MEGF6: variants seen among roughly 807,000 people sequenced by gnomAD.
The protein encoded by MEGF6 is multiple epidermal growth factor-like domains protein 6.
A neutral mutation model predicts 207.1 loss-of-function variants in MEGF6; 184 were observed. The ratio of observed to expected loss-of-function variants is 0.89; its 90% CI spans 0.79 to 1.00. The LOEUF (loss-of-function observed/expected upper bound fraction) is 1.00, where lower values mean the gene tolerates loss of function less well. MEGF6 is among the 50% of genes least tolerant of loss of function. The pLI, the probability that MEGF6 is intolerant of heterozygous loss-of-function variation, is 0.00. For synonymous variants in MEGF6, 1,038 were observed against 910.0 expected (o/e 1.14, Z -2.53); for missense variants, 2,282 against 2,202.9 (o/e 1.04, Z -0.72).
rs1428525309 is a variant in MEGF6, at chr1:3,510,825, A to G, written c.1192T>C (p.Tyr398His). The G allele has an allele frequency of 6.2e-7, 1 of 1,610,390 alleles. No homozygotes were observed. Among genetic ancestry groups the G allele is most frequent in the Admixed American group, 1.7e-5 (1 of 59,940 alleles). ...NNPGGYECGCYAGYRLSADGC... is the reference protein window; with the variant it reads ...NNPGGYECGCHAGYRLSADGC... The stretch of plus-strand genomic sequence containing the variant: ...TCGGCACTGAGCCGGTAGCCGGCGT[A>G]GCAGCCGCACTCGTACCCGCCAGGG... The change falls in exon 10 of 37, where the codon TAC becomes CAC. Residue 398 changes from tyrosine to histidine, a missense_variant. Tyr to His is a moderately conservative substitution (Grantham distance 83). Transcript: ENST00000356575.
intron 14 of MEGF6, among the ~76,000 whole-genome samples, 154 bp from the exon 15 acceptor site, chr1:3,506,390 G>A (rs976261902): frequency 2.6e-5 from 4 of 152,172 alleles, no homozygotes; most frequent in African/African-American, 4.8e-5. Flanking sequence ...GGATGTGGCC[G>A]TCTGCCCTGG....
In MEGF6 at chr1:3,514,647, G is replaced by A. The variant is rs367822031; in HGVS notation, c.756C>T (p.Asn252=). 2.1e-5 allele frequency: 33 copies of A among 1,582,420 alleles called. No individual in the cohort carries two copies. The highest frequency in any genetic ancestry group is 5.4e-5 in the African/African-American group (4 of 74,498). Residue 252 remains asparagine, a synonymous_variant, in exon 7 of 37, where the codon AAC becomes AAT. Coordinates refer to ENST00000356575, the MANE Select transcript of MEGF6 (RefSeq NM_001409.4). ...CVRRSPCANR[N]GSCMHRCQVV... ...CCTGGCACCTGTGCATGCAGCTGCC[G>A]TTCCTGTTGGCACACGGGCTTCTAC...
chr1:3,539,032 G>T (rs1477641175), intron 4 of MEGF6, among the ~76,000 whole-genome samples: 1 of 152,202 alleles, frequency 6.6e-6, no homozygotes, highest in East Asian at 1.9e-4. Context: ...CTTTGGACAT[G>T]ACATTTTCAG....
At chr1:3,584,628 A>G (rs1012285450) in intron 3 of MEGF6, among the ~76,000 whole-genome samples, 21 of 152,324 alleles carry the variant, frequency 1.4e-4, no homozygotes, top group African/African-American at 4.8e-4. Flanking sequence ...CCCCCACACC[A>G]GAGTCCCAGG....
At position 3,499,590 on chromosome 1, in the gene MEGF6, T is replaced by C; in HGVS notation, c.2963A>G (p.Glu988Gly). The C allele has an allele frequency of 6.3e-7, 1 of 1,577,820 alleles. No individual in the cohort carries two copies. Among genetic ancestry groups the C allele is most frequent in the Non-Finnish European group, 8.6e-7 (1 of 1,163,526 alleles). Residue 988 changes from glutamate to glycine, a missense_variant and splice_region_variant, in exon 23 of 37, where the codon GAG becomes GGG. By Grantham distance (98) the Glu-to-Gly change is moderately conservative (BLOSUM62 -2). Coordinates refer to ENST00000356575, the MANE Select transcript of MEGF6 (RefSeq NM_001409.4). ...GGCTGAGCAGGGACCTCACGCACTC[T>C]CGGCACAGCGGGGGCCCCGGCGGCC... Reference protein sequence around the residue: ...PAGRRGPRCAETCPAHTYGHN... With the variant: ...PAGRRGPRCAGTCPAHTYGHN...
At chr1:3,622,456 T>G in the MEGF6 span, among the ~76,000 whole-genome samples, 1 of 152,182 alleles carries the variant, frequency 6.6e-6, no homozygotes, top group Non-Finnish European at 1.5e-5. Context: ...ATTACCCAGC[T>G]TCAGGTAAGT....
intron 26 of MEGF6, 30 bp downstream of exon 26, chr1:3,498,341 C>T: frequency 5.7e-6 from 9 of 1,583,922 alleles, no homozygotes; most frequent in Non-Finnish European, 7.7e-6. Context: ...GCAGGGCCTG[C>T]AGACCCCCCT....
chr1:3,509,146 T>C lies in MEGF6; in HGVS notation c.1457A>G (p.Gln486Arg). ...CTCATCGGCCCCGACGTCGTCATCC[T>C]GGAAGAGTTGCGGCAGCTCGTCCTG... ...VLQDELPQLF[Q>R]DDDVGADEEE... Residue 486 changes from glutamine to arginine, a missense_variant, in exon 12 of 37, where the codon CAG becomes CGG. Transcript: ENST00000356575. 6.3e-7 allele frequency: 1 copy of C among 1,592,948 alleles called. No homozygotes were observed. Among genetic ancestry groups the C allele is most frequent in the East Asian group, 2.3e-5 (1 of 43,590 alleles).
In MEGF6 at chr1:3,494,538, C is replaced by A. The variant is rs540976770; in HGVS notation, c.4001-39G>T. 15 of 1,570,534 alleles carry A rather than the reference C, an allele frequency of 9.6e-6. No homozygotes were observed. The East Asian group carries it at 3.5e-4, about 37-fold the overall frequency. ...AGGGTGGGCAGTCCTTCGGCACCAG[C>A]CTTGCCCAGCCCTATGGCAGCCCAG... On this transcript the variant is annotated intron_variant, in intron 31 of 36. Coordinates refer to ENST00000356575, the MANE Select transcript of MEGF6 (RefSeq NM_001409.4).
In MEGF6 at chr1:3,500,768, C is replaced by T; in HGVS notation, c.2576-4G>A. ...CCCCAGTGCCCAGTATCACAGGCTGCAACAGAACTCAGGGTCACCCGGCGC... is the reference window on the plus strand; with the variant it reads ...CCCCAGTGCCCAGTATCACAGGCTGTAACAGAACTCAGGGTCACCCGGCGC... On this transcript the variant is annotated splice_region_variant and splice_polypyrimidine_tract_variant and intron_variant, in intron 20 of 36. Transcript: ENST00000356575. The T allele has an allele frequency of 1.2e-6, 2 of 1,605,194 alleles. No homozygotes were observed. Among genetic ancestry groups the T allele is most frequent in the Non-Finnish European group, 8.5e-7 (1 of 1,176,240 alleles).
At chr1:3,602,665 G>A (rs1289536596) in intron 1 of MEGF6, 65 bp from the exon 2 acceptor site, 10 of 1,543,994 alleles carry the variant, frequency 6.5e-6, no homozygotes, top group Non-Finnish European at 8.7e-6. Context: ...CACCCCTCCT[G>A]CACCCCCAGC....
the MEGF6 span, among the ~76,000 whole-genome samples, chr1:3,620,435 G>A: frequency 7.9e-5 from 12 of 152,364 alleles, no homozygotes; most frequent in South Asian, 1.2e-3. Flanking sequence ...AGGGGTCAAG[G>A]GACAGCCCAG....
chr1:3,585,651 C>T (rs933419646), intron 3 of MEGF6, among the ~76,000 whole-genome samples: 13 of 134,466 alleles, frequency 9.7e-5, no homozygotes, highest in Non-Finnish European at 1.4e-4. Flanking sequence ...GGACGCATGT[C>T]CTGTGTGTGG....
upstream of MEGF6, among the ~76,000 whole-genome samples, chr1:3,612,069 AG>A (rs1644335881): frequency 6.6e-6 from 1 of 152,180 alleles, no homozygotes; most frequent in East Asian, 1.9e-4. Flanking sequence ...CCCGCAGGGC[AG>A]GGGTCGGGGA....
Position 3,517,277 on chromosome 1 carries a change from G to A in MEGF6, c.605-1750C>T, listed in dbSNP as rs543173122. ...GCCCAGGAGGCTGCGGCAGGGCTGG[G>A]AAAGAAAGAGGCTTCTCATCACCCC... On this transcript the variant is annotated intron_variant, in intron 5 of 36. Coordinates refer to ENST00000356575, the MANE Select transcript of MEGF6 (RefSeq NM_001409.4). Among the ~76,000 whole-genome samples, 4 of 152,320 alleles carry A rather than the reference G, an allele frequency of 2.6e-5. No individual in the cohort carries two copies. In the South Asian group the frequency reaches 6.2e-4, roughly 24 times the overall value.
chr1:3,556,203 G>A lies in MEGF6; in HGVS notation c.481+23622C>T, dbSNP rs1643027017. Among the ~76,000 whole-genome samples the A allele has an allele frequency of 6.6e-6, 1 of 152,222 alleles. No homozygotes were observed. Among genetic ancestry groups the A allele is most frequent in the Non-Finnish European group, 1.5e-5 (1 of 68,026 alleles). On this transcript the variant is annotated intron_variant, in intron 4 of 36. Coordinates refer to ENST00000356575, the MANE Select transcript of MEGF6 (RefSeq NM_001409.4). The surrounding 1 kb of genome is among the most constrained non-coding windows in gnomAD (Gnocchi z 4.4). Reference sequence around the variant, plus strand: ...TGTGAGTCCATGCTCTGCTCCCCAAGCCCCGTCAGGATTTCCCAGGATGGG... The same window carrying A: ...TGTGAGTCCATGCTCTGCTCCCCAAACCCCGTCAGGATTTCCCAGGATGGG...
intron 5 of MEGF6, among the ~76,000 whole-genome samples, chr1:3,519,886 C>A (rs932282115): frequency 2.0e-5 from 3 of 152,192 alleles, no homozygotes; most frequent in East Asian, 1.9e-4. Flanking sequence ...ACACAGCACA[C>A]CCATGGCAGA....
Position 3,580,290 on chromosome 1 carries a change from C to A in MEGF6, c.377-361G>T, listed in dbSNP as rs372825034. On this transcript the variant is annotated intron_variant, in intron 3 of 36. Coordinates refer to ENST00000356575, the MANE Select transcript of MEGF6 (RefSeq NM_001409.4). ...GGGTGCAGGGGGGAGGGGTGGGCTGCCCAGTGGTCAGCGCTGCACAGCTGC... is the reference window on the plus strand; with the variant it reads ...GGGTGCAGGGGGGAGGGGTGGGCTGACCAGTGGTCAGCGCTGCACAGCTGC... Among the ~76,000 whole-genome samples, 3 of 151,998 alleles carry A rather than the reference C, an allele frequency of 2.0e-5. No individual in the cohort carries two copies. In the South Asian group the frequency reaches 6.2e-4, roughly 32 times the overall value.
At position 3,508,639 on chromosome 1, in the gene MEGF6, A is replaced by G. The variant is rs1641209053; in HGVS notation, c.1579T>C (p.Cys527Arg). 6.2e-7 allele frequency: 1 copy of G among 1,613,400 alleles called. No individual in the cohort carries two copies. The highest frequency in any genetic ancestry group is 1.3e-5 in the African/African-American group (1 of 74,936). Residue 527 changes from cysteine to arginine, a missense_variant, in exon 13 of 37, where the codon TGC becomes CGC. Physicochemically the swap from Cys to Arg is radical, Grantham distance 180. Transcript: ENST00000356575. ...GHDCSLTCDD[C>R]RNGGTCLLGL... ...AGGAGGCAGGTCCCTCCGTTCCTGC[A>G]GTCATCACAGGTCAAGCTGCAGTCA...
Sources: gnomAD v4.1 joint callset for allele counts (sites outside exome capture counted in the v4.1 genomes callset) on GRCh38, gnomAD v4.1.1 for gene constraint, Gnocchi (gnomAD v3.1) non-coding constraint, MANE v1.5 for transcripts, NCBI Gene and HGNC (gene_info 2026-07-23, HGNC 2026-07-21) for gene names.